Variants in RPL14 observed in about 807,000 individuals in gnomAD.
The protein encoded by RPL14 is large ribosomal subunit protein eL14.
In RPL14, 4 loss-of-function variants were observed where a neutral mutation model predicts 25.3. That is an observed-to-expected ratio of 0.16 (90% confidence interval 0.08 to 0.36). The LOEUF is 0.36. RPL14 is among the 10% of genes least tolerant of loss of function. RPL14 has a pLI of 1.00. For missense variants in RPL14, 212 were observed against 261.9 expected (o/e 0.81, Z 1.31); for synonymous variants, 75 against 89.8 (o/e 0.84, Z 0.93).
rs9857976 is a variant in RPL14 at position 40,467,914 on chromosome 3, G to A, written c.*5682G>A. ...CGGCTCACTGCAACCTCTGCCTCCCGGGTTCAAGCAGTTCTCCTGCCTCAA... is the reference window on the plus strand; with the variant it reads ...CGGCTCACTGCAACCTCTGCCTCCCAGGTTCAAGCAGTTCTCCTGCCTCAA... On this transcript the variant is annotated 3_prime_UTR_variant, in exon 6 of 6. Coordinates refer to ENST00000396203, the MANE Select transcript of RPL14 (RefSeq NM_001034996.3). The A allele has an allele frequency of 0.69, 104,768 of 151,676 alleles. 36,349 individuals are homozygous for A. Among genetic ancestry groups the A allele is most frequent in the African/African-American group, 0.73 (30,381 of 41,370 alleles). 9.4% of individuals were successfully genotyped at this position (151,676 alleles called of 1,614,324 possible).
In RPL14 at chr3:40,459,369, G is replaced by A. The variant is rs1170316835; in HGVS notation, c.200+633G>A. On this transcript the variant is annotated intron_variant, in intron 3 of 5. Coordinates refer to ENST00000396203, the MANE Select transcript of RPL14 (RefSeq NM_001034996.3). ...AGCTATCATTAGATAAGCTCTCAGTGTGTGTCAGTTACACAGTATTTAATA... is the reference window on the plus strand; with the variant it reads ...AGCTATCATTAGATAAGCTCTCAGTATGTGTCAGTTACACAGTATTTAATA... Among the ~76,000 whole-genome samples the A allele has an allele frequency of 2.6e-5, 4 of 152,158 alleles. No homozygotes were observed. In the East Asian group the frequency reaches 7.7e-4, roughly 29 times the overall value.
Position 40,457,484 on chromosome 3 carries a change from C to G in RPL14, c.3+10C>G. ...TCCCGGGAAGCGCATGGTGAGGGTC[C>G]CCGGGCCGGCTGTGCAGCGGAATCG... is the stretch of plus-strand genomic sequence containing the variant. On this transcript the variant is annotated intron_variant, in intron 1 of 5. Coordinates refer to ENST00000396203, the MANE Select transcript of RPL14 (RefSeq NM_001034996.3). The G allele has an allele frequency of 6.5e-7, 1 of 1,545,356 alleles. No individual in the cohort carries two copies. The highest frequency in any genetic ancestry group is 8.8e-7 in the Non-Finnish European group (1 of 1,140,664).
intron 1 of RPL14, 27 bp from the exon 2 acceptor site, chr3:40,457,863 T>C (rs1366325569): frequency 1.3e-6 from 2 of 1,596,212 alleles, no homozygotes; most frequent in Non-Finnish European, 1.7e-6. Flanking sequence ...TAAGTAAGTT[T>C]CACTGTCCTT....
chr3:40,457,476 T>A lies in RPL14; in HGVS notation c.3+2T>A. ...CCAGAGGGTCCCGGGAAGCGCATGG[T>A]GAGGGTCCCCGGGCCGGCTGTGCAG... On this transcript the variant is annotated splice_donor_variant, in intron 1 of 5. Transcript: ENST00000396203. LOFTEE classifies it high-confidence loss of function. 1 of 1,558,736 alleles carries A rather than the reference T, an allele frequency of 6.4e-7. No homozygotes were observed. Among genetic ancestry groups the A allele is most frequent in the East Asian group, 2.4e-5 (1 of 41,468 alleles).
At chr3:40,459,224 C>G (rs1203947077) in intron 3 of RPL14, 1 of 154,570 alleles carries the variant, frequency 6.5e-6, no homozygotes, top group Admixed American at 6.4e-5. Flanking sequence ...GGTCACTTTT[C>G]TATCCTGGTA....
At position 40,462,153 on chromosome 3, in the gene RPL14, C is replaced by G; in HGVS notation, c.569C>G (p.Pro190Arg). ...AAAGCCACAGGCCAGAAAGCAGCGC[C>G]TGCTCCAAAAGCTCAGAAGGGTCAA... ...AQKATGQKAAPAPKAQKGQKA... is the reference protein window; with the variant it reads ...AQKATGQKAARAPKAQKGQKA... Residue 190 changes from proline to arginine, a missense_variant, in exon 6 of 6, where the codon CCT becomes CGT. This residue lies in a region of RPL14 where 66 missense variants were observed against 62.6 expected (regional missense o/e 1.05). Transcript: ENST00000396203. 2 of 1,612,910 alleles carry G rather than the reference C, an allele frequency of 1.2e-6. No homozygotes were observed. The highest frequency in any genetic ancestry group is 2.2e-5 in the South Asian group (2 of 90,926).
At chr3:40,458,238 A>C (rs753579828) in intron 2 of RPL14, 1 of 569,572 alleles carries the variant, frequency 1.8e-6, no homozygotes, top group Non-Finnish European at 3.1e-6. Context: ...GTTTTAAATG[A>C]GTTACTATAC....
chr3:40,458,755 C>T lies in RPL14; in HGVS notation c.200+19C>T, dbSNP rs555570722. On this transcript the variant is annotated intron_variant, in intron 3 of 5. Transcript: ENST00000396203. Reference sequence around the variant, plus strand: ...CGCACAGGTAACTGTCCACTAATCACTCCTCCCTCCCATCCCCAGATTTGT... The same window carrying T: ...CGCACAGGTAACTGTCCACTAATCATTCCTCCCTCCCATCCCCAGATTTGT... 1.2e-5 allele frequency: 19 copies of T among 1,593,514 alleles called. No individual in the cohort carries two copies. The East Asian group carries it at 4.2e-4, about 36-fold the overall frequency.
chr3:40,465,150 T>C lies in RPL14; in HGVS notation c.*2918T>C, dbSNP rs529158169. The stretch of plus-strand genomic sequence containing the variant: ...TAAGTGGTCACTGATTCCCCAGGGG[T>C]AGGATGACAACAATCAAGAGACGAA... On this transcript the variant is annotated 3_prime_UTR_variant, in exon 6 of 6. Transcript: ENST00000396203. 1 of 151,628 alleles carries C rather than the reference T, an allele frequency of 6.6e-6. No homozygotes were observed. Among genetic ancestry groups the C allele is most frequent in the African/African-American group, 2.4e-5 (1 of 41,260 alleles). The allele number at this position is 151,628 out of a possible 1,614,324, so 9.4% of individuals were successfully genotyped here. A position where few individuals can be genotyped will look rare whatever the true frequency, so the allele number is the denominator to read the frequency against.
In RPL14 at chr3:40,462,520, G is replaced by T. The variant is rs570713322; in HGVS notation, c.*288G>T. 3.0e-4 allele frequency: 77 copies of T among 255,074 alleles called. No individual in the cohort carries two copies. Among genetic ancestry groups the T allele is most frequent in the Middle Eastern group, 1.4e-3 (1 of 728 alleles). The allele number at this position is 255,074 out of a possible 1,614,324, so 15.8% of individuals were successfully genotyped here. On this transcript the variant is annotated 3_prime_UTR_variant, in exon 6 of 6. Coordinates refer to ENST00000396203, the MANE Select transcript of RPL14 (RefSeq NM_001034996.3). ...GCCTCCTGAGCAGCTGGGACTACAGGTGCCCGCCACCGCGCCTGGCTAATT... is the reference window on the plus strand; with the variant it reads ...GCCTCCTGAGCAGCTGGGACTACAGTTGCCCGCCACCGCGCCTGGCTAATT...
rs980507843 is a variant in RPL14 at position 40,466,655 on chromosome 3, T to C, written c.*4423T>C. ...GGATCCTGATACCTGCCTCATATTG[T>C]GGCAAGGATCAAATGAGTCAAATAA... On this transcript the variant is annotated 3_prime_UTR_variant, in exon 6 of 6. Transcript: ENST00000396203. The C allele has an allele frequency of 2.6e-5, 4 of 152,180 alleles. No homozygotes were observed. Among genetic ancestry groups the C allele is most frequent in the African/African-American group, 9.7e-5 (4 of 41,436 alleles). The allele number at this position is 152,180 out of a possible 1,614,324, so 9.4% of individuals were successfully genotyped here.
rs1176283564 is a variant in RPL14, at chr3:40,464,201, C to G, written c.*1969C>G. On this transcript the variant is annotated 3_prime_UTR_variant, in exon 6 of 6. Coordinates refer to ENST00000396203, the MANE Select transcript of RPL14 (RefSeq NM_001034996.3). The stretch of plus-strand genomic sequence containing the variant: ...TCTTGAACTCCTGACCTCAGGTGAT[C>G]TGTCCGCCTTGGCCTCCCAAAGTGC... 3.0e-6 allele frequency: 1 copy of G among 330,554 alleles called. No homozygotes were observed. Among genetic ancestry groups the G allele is most frequent in the Non-Finnish European group, 6.0e-6 (1 of 166,780 alleles). 20.5% of individuals were successfully genotyped at this position (330,554 alleles called of 1,614,324 possible). A position where few individuals can be genotyped will look rare whatever the true frequency, so the allele number is the denominator to read the frequency against.
At position 40,464,657 on chromosome 3, in the gene RPL14, T is replaced by A. The variant is rs1426717107; in HGVS notation, c.*2425T>A. ...AGATCATTGAACTGTTAAGACTGAA[T>A]CTTATGGGATCAAGACTGGGAATGC... On this transcript the variant is annotated 3_prime_UTR_variant, in exon 6 of 6. Coordinates refer to ENST00000396203, the MANE Select transcript of RPL14 (RefSeq NM_001034996.3). The A allele has an allele frequency of 2.7e-6, 1 of 372,812 alleles. No homozygotes were observed. Among genetic ancestry groups the A allele is most frequent in the East Asian group, 7.3e-5 (1 of 13,632 alleles). 23.1% of individuals were successfully genotyped at this position (372,812 alleles called of 1,614,324 possible).
rs1398154070 is a variant in RPL14, at chr3:40,461,672, A to C, written c.354+11A>C. The C allele has an allele frequency of 6.3e-7, 1 of 1,595,848 alleles. No homozygotes were observed. The highest frequency in any genetic ancestry group is 8.5e-7 in the Non-Finnish European group (1 of 1,172,992). On this transcript the variant is annotated intron_variant, in intron 5 of 5. Transcript: ENST00000396203. ...AAGGCAAAGAAAATGGTAAGATTTAAGATCTGTATTTTTGTGTAACTTAGC... is the reference window on the plus strand; with the variant it reads ...AAGGCAAAGAAAATGGTAAGATTTACGATCTGTATTTTTGTGTAACTTAGC...
Position 40,464,387 on chromosome 3 carries a change from G to A in RPL14, c.*2155G>A. The A allele has an allele frequency of 4.5e-6, 2 of 449,042 alleles. No individual in the cohort carries two copies. Among genetic ancestry groups the A allele is most frequent in the South Asian group, 1.6e-5 (1 of 63,514 alleles). The allele number at this position is 449,042 out of a possible 1,614,324, so 27.8% of individuals were successfully genotyped here. A position where few individuals can be genotyped will look rare whatever the true frequency, so the allele number is the denominator to read the frequency against. On this transcript the variant is annotated 3_prime_UTR_variant, in exon 6 of 6. Coordinates refer to ENST00000396203, the MANE Select transcript of RPL14 (RefSeq NM_001034996.3). ...GGTATGGTGTAATAAGGAAAATATGGATGATTTCGGATTACCTGTTCTACT... is the reference window on the plus strand; with the variant it reads ...GGTATGGTGTAATAAGGAAAATATGAATGATTTCGGATTACCTGTTCTACT...
At chr3:40,460,173 T>C (rs1257954706) in intron 3 of RPL14, among the ~76,000 whole-genome samples, 3 of 152,172 alleles carry the variant, frequency 2.0e-5, no homozygotes, top group South Asian at 2.1e-4. Flanking sequence ...AAATTGTTAC[T>C]GTAAATTTTT....
chr3:40,461,592 GTT>G lies in RPL14; in HGVS notation c.301-7_301-6del. 2 of 1,418,534 alleles carry G rather than the reference GTT, an allele frequency of 1.4e-6. No homozygotes were observed. Among genetic ancestry groups the G allele is most frequent in the South Asian group, 1.3e-5 (1 of 76,132 alleles). 87.9% of individuals were successfully genotyped at this position (1,418,534 alleles called of 1,614,324 possible). On this transcript the variant is annotated splice_polypyrimidine_tract_variant and intron_variant, in intron 4 of 5. Coordinates refer to ENST00000396203, the MANE Select transcript of RPL14 (RefSeq NM_001034996.3). Reference sequence around the variant, plus strand: ...GTGAGAGGGATAATTTTTATTTGTTGTTTTTTTTTTAACAGAAAGCCAAGATG... The same window carrying G: ...GTGAGAGGGATAATTTTTATTTGTTGTTTTTTTTAACAGAAAGCCAAGATG...
chr3:40,461,475 G>C lies in RPL14; in HGVS notation c.269G>C (p.Arg90Pro). Residue 90 changes from arginine to proline, a missense_variant, in exon 4 of 6, where the codon CGA becomes CCA. Arg to Pro is a moderately radical substitution (Grantham distance 103). This residue lies in a region of RPL14 where 143 missense variants were observed against 180.3 expected (regional missense o/e 0.79). Coordinates refer to ENST00000396203, the MANE Select transcript of RPL14 (RefSeq NM_001034996.3). ...ATCAATACAAAATGGGCAGCCACAC[G>C]ATGGGCCAAGAAGATTGAAGCCAGA... is the stretch of plus-strand genomic sequence containing the variant. Reference protein sequence around the residue: ...ADINTKWAATRWAKKIEARER... With the variant: ...ADINTKWAATPWAKKIEARER... 1 of 1,614,090 alleles carries C rather than the reference G, an allele frequency of 6.2e-7. No individual in the cohort carries two copies. Among genetic ancestry groups the C allele is most frequent in the Non-Finnish European group, 8.5e-7 (1 of 1,180,008 alleles).
chr3:40,458,828 G>C, intron 3 of RPL14, 92 bp downstream of exon 3: 1 of 936,062 alleles, frequency 1.1e-6, no homozygotes, highest in Non-Finnish European at 1.7e-6. Flanking sequence ...GGAAGATTCA[G>C]AGCCATCCTG....
Sources: gnomAD v4.1 joint callset for allele counts (sites outside exome capture counted in the v4.1 genomes callset) on GRCh38, gnomAD v4.1.1 for gene constraint, gnomAD v4.1.1 regional missense constraint, MANE v1.5 for transcripts, NCBI Gene and HGNC (gene_info 2026-07-23, HGNC 2026-07-21) for gene names.